PRKN: variants seen among roughly 807,000 people sequenced by gnomAD.
PRKN encodes E3 ubiquitin-protein ligase parkin.
PRKN carries 56 observed loss-of-function variants against 59.5 expected under a neutral mutation model. That is an observed-to-expected ratio of 0.94 (90% CI 0.76 to 1.18). PRKN has a LOEUF of 1.18. Among genes scored for constraint, PRKN ranks in the 50% most tolerant of loss-of-function variants. The probability of loss-of-function intolerance (pLI) is 0.00; values close to 1 mark genes in which losing one functional copy is unlikely to be tolerated. For missense variants in PRKN, 657 were observed against 596.4 expected (o/e 1.10, Z -1.06); for synonymous variants, 250 against 222.1 (o/e 1.13, Z -1.12).
At chr6:162,343,866 C>T (rs1374723652) in intron 2 of PRKN, among the ~76,000 whole-genome samples, 2 of 152,048 alleles carry the variant, frequency 1.3e-5, no homozygotes, top group African/African-American at 4.8e-5. Context: ...CCAACATATA[C>T]AAAAACGTTA....
At chr6:162,534,507 C>T (rs570770676) in intron 1 of PRKN, among the ~76,000 whole-genome samples, 7 of 152,108 alleles carry the variant, frequency 4.6e-5, no homozygotes, top group South Asian at 2.1e-4. Flanking sequence ...TTCATTAGAC[C>T]GCACACTCCT....
chr6:162,396,866 A>G (rs188976472), intron 2 of PRKN, among the ~76,000 whole-genome samples: 209 of 152,254 alleles, frequency 1.4e-3, no homozygotes, highest in African/African-American at 4.9e-3. Flanking sequence ...CTGAGAAACC[A>G]CAAGTCTGAT....
At chr6:162,047,376 T>C (rs1784292088) in intron 5 of PRKN, among the ~76,000 whole-genome samples, 1 of 152,208 alleles carries the variant, frequency 6.6e-6, no homozygotes, top group African/African-American at 2.4e-5. Context: ...GTGCTGATAG[T>C]TATTGTACAG....
chr6:161,988,781 T>C (rs988147710), intron 5 of PRKN, among the ~76,000 whole-genome samples: 6 of 152,118 alleles, frequency 3.9e-5, no homozygotes, highest in Non-Finnish European at 1.5e-5. Context: ...AGATCTTCTG[T>C]GGGTTAAAGC....
At chr6:162,622,843 C>T (rs1488359545) in intron 1 of PRKN, among the ~76,000 whole-genome samples, 1 of 152,116 alleles carries the variant, frequency 6.6e-6, no homozygotes, top group Non-Finnish European at 1.5e-5. Flanking sequence ...CCAAGACAGA[C>T]AAGTTTTATT....
chr6:162,412,447 T>C (rs1303791307), intron 2 of PRKN, among the ~76,000 whole-genome samples: 1 of 151,950 alleles, frequency 6.6e-6, no homozygotes, highest in African/African-American at 2.4e-5. Flanking sequence ...TGAAAATCTG[T>C]TCTTCATAGC....
chr6:161,955,852 A>C (rs1780151858), intron 6 of PRKN, among the ~76,000 whole-genome samples: 1 of 152,226 alleles, frequency 6.6e-6, no homozygotes, highest in African/African-American at 2.4e-5. Flanking sequence ...CTCTATCTCA[A>C]AAAATAAAAA....
At chr6:162,642,662 T>G (rs549441595) in intron 1 of PRKN, among the ~76,000 whole-genome samples, 104 of 151,946 alleles carry the variant, frequency 6.8e-4, no homozygotes, top group African/African-American at 2.4e-3. Flanking sequence ...TGAGAAAAAT[T>G]TAAATCTTAT....
intron 4 of PRKN, among the ~76,000 whole-genome samples, chr6:162,174,986 C>T (rs985242480): frequency 1.3e-5 from 2 of 152,154 alleles, no homozygotes; most frequent in Non-Finnish European, 1.5e-5. Context: ...CACAGCCTAC[C>T]GAGGTGTCTT....
At chr6:162,640,683 T>G (rs1473598488) in intron 1 of PRKN, among the ~76,000 whole-genome samples, 3 of 152,218 alleles carry the variant, frequency 2.0e-5, no homozygotes, top group Non-Finnish European at 4.4e-5. Flanking sequence ...GCTGCTGGAC[T>G]GAAAGAAGTC....
chr6:162,710,594 G>A (rs551433055), intron 1 of PRKN, among the ~76,000 whole-genome samples: 1 of 152,262 alleles, frequency 6.6e-6, no homozygotes, highest in South Asian at 2.1e-4. Context: ...TCAATGTGGT[G>A]TTGTGGTAGC....
chr6:162,581,828 T>G (rs1031448625), intron 1 of PRKN, among the ~76,000 whole-genome samples: 4 of 152,172 alleles, frequency 2.6e-5, no homozygotes, highest in Non-Finnish European at 5.9e-5. Flanking sequence ...TAAAGTAAAT[T>G]ACTTAACTGA....
chr6:161,490,603 C>T (rs574909406), intron 9 of PRKN, among the ~76,000 whole-genome samples: 68 of 152,122 alleles, frequency 4.5e-4, no homozygotes, highest in Non-Finnish European at 8.4e-4. Context: ...GTTGGCCAGG[C>T]TGGTCTCAAA....
chr6:162,065,832 G>A (rs1778315893), intron 4 of PRKN, among the ~76,000 whole-genome samples: 1 of 152,030 alleles, frequency 6.6e-6, no homozygotes, highest in Non-Finnish European at 1.5e-5. Context: ...TTGATTTTCT[G>A]TCCTTGTGAT....
intron 7 of PRKN, among the ~76,000 whole-genome samples, chr6:161,645,320 T>C (rs999540462): frequency 1.3e-5 from 2 of 151,766 alleles, no homozygotes. Context: ...AAACCACAGA[T>C]ACCATTCAAC....
chr6:161,787,744 A>C, intron 6 of PRKN, among the ~76,000 whole-genome samples: 1 of 151,862 alleles, frequency 6.6e-6, no homozygotes, highest in East Asian at 1.9e-4. Context: ...CAGGAGATGG[A>C]GATCATCCTG....
intron 2 of PRKN, among the ~76,000 whole-genome samples, chr6:162,371,051 C>A (rs1203190868): frequency 6.6e-6 from 1 of 152,178 alleles, no homozygotes; most frequent in Non-Finnish European, 1.5e-5. Context: ...CAAGTCAAAG[C>A]CAGACGAAGA....
intron 2 of PRKN, among the ~76,000 whole-genome samples, chr6:162,389,232 T>C (rs757588891): frequency 2.0e-5 from 3 of 151,918 alleles, no homozygotes; most frequent in Non-Finnish European, 4.4e-5. Context: ...GGAGCCCAAA[T>C]AGCAAGAAGG....
At chr6:161,768,883 A>C (rs1015016364) in intron 7 of PRKN, among the ~76,000 whole-genome samples, 12 of 152,238 alleles carry the variant, frequency 7.9e-5, no homozygotes, top group African/African-American at 2.7e-4. Flanking sequence ...GAGAAGAGAA[A>C]AATAATACAG....
Sources: gnomAD v4.1 joint callset for allele counts (sites outside exome capture counted in the v4.1 genomes callset) on GRCh38, gnomAD v4.1.1 for gene constraint, MANE v1.5 for transcripts, NCBI Gene and HGNC (gene_info 2026-07-23, HGNC 2026-07-21) for gene names.